CCDC178: variants seen among roughly 807,000 people sequenced by gnomAD.
CCDC178 encodes coiled-coil domain-containing protein 178.
A neutral mutation model predicts 117.4 loss-of-function variants in CCDC178; 126 were observed. That is an observed-to-expected ratio of 1.07 (90% CI 0.93 to 1.24). CCDC178 has a LOEUF of 1.24. Ranked by LOEUF, CCDC178 falls within the 50% of genes most tolerant of loss-of-function variation. The pLI, the probability that CCDC178 is intolerant of heterozygous loss-of-function variation, is 0.00. For missense variants in CCDC178, 1,030 were observed against 986.9 expected (o/e 1.04, Z -0.59); for synonymous variants, 283 against 313.4 (o/e 0.90, Z 1.02).
intron 20 of CCDC178, among the ~76,000 whole-genome samples, chr18:33,185,702 G>A (rs2058783810): frequency 6.6e-6 from 1 of 151,952 alleles, no homozygotes; most frequent in African/African-American, 2.4e-5. Flanking sequence ...AGTAAAAGGG[G>A]AAGTTCTGAT....
intron 15 of CCDC178, among the ~76,000 whole-genome samples, chr18:33,235,619 T>C (rs893411387): frequency 5.9e-5 from 9 of 152,304 alleles, no homozygotes; most frequent in African/African-American, 2.2e-4. Context: ...GATTCTAACC[T>C]GGAACCAGAG....
At chr18:33,239,376 C>T (rs1039919439) in intron 15 of CCDC178, among the ~76,000 whole-genome samples, 4 of 151,212 alleles carry the variant, frequency 2.6e-5, no homozygotes, top group Admixed American at 1.3e-4. Flanking sequence ...TGAAAATAAA[C>T]AAATTAAATT....
intron 22 of CCDC178, among the ~76,000 whole-genome samples, chr18:32,965,052 G>A (rs924030725): frequency 6.6e-6 from 1 of 151,678 alleles, no homozygotes; most frequent in Admixed American, 6.6e-5. Flanking sequence ...TGTATACCCG[G>A]CACCTCAAAC....
intron 22 of CCDC178, among the ~76,000 whole-genome samples, chr18:32,963,133 T>C (rs914867353): frequency 2.0e-5 from 3 of 152,064 alleles, no homozygotes; most frequent in African/African-American, 7.2e-5. Context: ...TGCCTAGGTT[T>C]ATGTCCTGAG....
intron 12 of CCDC178, among the ~76,000 whole-genome samples, chr18:33,291,256 G>A (rs764017592): frequency 1.6e-4 from 24 of 151,996 alleles, no homozygotes; most frequent in Non-Finnish European, 3.2e-4. Flanking sequence ...AAACTGAAAC[G>A]TCTCTTCATC....
intron 4 of CCDC178, 30 bp downstream of exon 4, chr18:33,397,119 T>A (rs371570171): frequency 7.1e-7 from 1 of 1,412,786 alleles, no homozygotes; most frequent in Non-Finnish European, 9.8e-7. Flanking sequence ...AAAAAAGAGA[T>A]GAAAATTATA....
intron 21 of CCDC178, among the ~76,000 whole-genome samples, chr18:33,038,868 C>T (rs186026561): frequency 6.6e-6 from 1 of 151,986 alleles, no homozygotes; most frequent in Non-Finnish European, 1.5e-5. Context: ...TAATCCTCAA[C>T]ATATGCCAAA....
chr18:33,074,495 C>A (rs1180953776), intron 21 of CCDC178, among the ~76,000 whole-genome samples: 2 of 152,156 alleles, frequency 1.3e-5, no homozygotes, highest in African/African-American at 4.8e-5. Context: ...ATTTAGGCAT[C>A]CACCTGAAGG....
chr18:32,995,939 CTAT>C, intron 21 of CCDC178, among the ~76,000 whole-genome samples: 1 of 151,400 alleles, frequency 6.6e-6, no homozygotes, highest in South Asian at 2.1e-4. Context: ...ATATCTATAT[CTAT>C]ATCTATGTCT....
intron 21 of CCDC178, among the ~76,000 whole-genome samples, chr18:33,023,757 A>G (rs950227192): frequency 6.6e-5 from 10 of 152,138 alleles, no homozygotes; most frequent in Non-Finnish European, 1.5e-4. Context: ...TAGAAAAACA[A>G]TAAAATCAAT....
At position 33,385,114 on chromosome 18, in the gene CCDC178, A is replaced by G. The variant is rs114132393; in HGVS notation, c.208+4426T>C. On this transcript the variant is annotated intron_variant, in intron 5 of 22. Transcript: ENST00000383096. ...TAAATCAACAAAGGTCAAAACAGAC[A>G]AAGAAGGGCATTACATAATGTTAAA... 4.9e-3 allele frequency among the ~76,000 whole-genome samples: 743 copies of G among 152,334 alleles called. 4 individuals are homozygous for G. Among genetic ancestry groups the G allele is most frequent in the African/African-American group, 0.017 (697 of 41,572 alleles).
intron 21 of CCDC178, among the ~76,000 whole-genome samples, chr18:33,076,462 A>G (rs1206690246): frequency 6.6e-6 from 1 of 152,188 alleles, no homozygotes; most frequent in Non-Finnish European, 1.5e-5. Context: ...TTACTGCCGC[A>G]TTTCAGATCT....
At chr18:33,361,875 T>C (rs1486250314) in intron 6 of CCDC178, among the ~76,000 whole-genome samples, 1 of 151,678 alleles carries the variant, frequency 6.6e-6, no homozygotes, top group Admixed American at 6.6e-5. Context: ...GGTACAGCCA[T>C]TAGAGAAAAC....
chr18:33,050,499 T>C (rs1369645914), intron 21 of CCDC178, among the ~76,000 whole-genome samples: 3 of 152,090 alleles, frequency 2.0e-5, no homozygotes, highest in South Asian at 2.1e-4. Context: ...GAAGAGTAGA[T>C]TGGAACTCTA....
intron 20 of CCDC178, among the ~76,000 whole-genome samples, chr18:33,112,024 A>C (rs2057790050): frequency 6.6e-6 from 1 of 151,842 alleles, no homozygotes; most frequent in Admixed American, 6.6e-5. Context: ...CAAATGAGAA[A>C]GTTTCAAATC....
chr18:33,399,220 T>A (rs565577697), intron 3 of CCDC178, among the ~76,000 whole-genome samples: 9 of 150,910 alleles, frequency 6.0e-5, no homozygotes, highest in African/African-American at 2.2e-4. Flanking sequence ...AAAAAGTTAA[T>A]GGTCATGTGA....
chr18:32,979,552 C>G (rs2055103838), intron 21 of CCDC178, among the ~76,000 whole-genome samples: 1 of 152,098 alleles, frequency 6.6e-6, no homozygotes, highest in Non-Finnish European at 1.5e-5. Context: ...AGGTTTATAT[C>G]TATTAAAAAT....
intron 20 of CCDC178, among the ~76,000 whole-genome samples, chr18:33,114,106 A>G (rs1199494499): frequency 3.9e-5 from 6 of 152,068 alleles, no homozygotes; most frequent in African/African-American, 1.4e-4. Flanking sequence ...TGTAGCAAAT[A>G]ATGTTCTGAG....
At chr18:32,958,261 A>T (rs997287772) in intron 22 of CCDC178, 1 of 481,894 alleles carries the variant, frequency 2.1e-6, no homozygotes, top group Non-Finnish European at 3.8e-6. Flanking sequence ...TACTAAAATT[A>T]TTGAGTTTGT....
Sources: allele counts gnomAD v4.1 joint callset (sites outside exome capture counted in the v4.1 genomes callset), GRCh38; gene constraint gnomAD v4.1.1; transcripts MANE v1.5; gene names NCBI Gene and HGNC (gene_info 2026-07-23, HGNC 2026-07-21).